Variants in PAK5 observed in about 807,000 individuals in gnomAD.
The protein encoded by PAK5 is serine/threonine-protein kinase PAK 5.
Under a neutral mutation model 65.9 loss-of-function variants are expected in PAK5, and 16 were observed. The ratio of observed to expected loss-of-function variants is 0.24; its 90% CI spans 0.16 to 0.37. The LOEUF is 0.37. Among genes scored for constraint, PAK5 ranks in the 10% least tolerant of loss-of-function variants. The pLI, the probability that PAK5 is intolerant of heterozygous loss-of-function variation, is 1.00. For missense variants in PAK5, 785 were observed against 903.9 expected, an observed-to-expected ratio of 0.87 and a Z score of 1.69; for synonymous variants, 371 against 354.9, an observed-to-expected ratio of 1.05 and a Z score of -0.51.
At chr20:9,573,728 C>T (rs948747269) in intron 4 of PAK5, among the ~76,000 whole-genome samples, 10 of 152,188 alleles carry the variant, frequency 6.6e-5, no homozygotes, top group Admixed American at 6.5e-5. Context: ...GCAGGGGGGC[C>T]GTGGCTGGAG....
At chr20:9,692,768 C>T (rs577065727) in intron 2 of PAK5, among the ~76,000 whole-genome samples, 92 of 152,164 alleles carry the variant, frequency 6.0e-4, no homozygotes, top group African/African-American at 2.1e-3. Flanking sequence ...AGGATGTTAT[C>T]CTAGAATGAG....
intron 1 of PAK5, among the ~76,000 whole-genome samples, chr20:9,797,788 CT>C (rs200427571): frequency 0.013 from 1,932 of 152,014 alleles, 47 homozygotes; most frequent in African/African-American, 0.041. Context: ...TTTGGGTTGC[CT>C]TTTGGACAAC....
intron 1 of PAK5, among the ~76,000 whole-genome samples, chr20:9,791,131 T>C (rs1213576944): frequency 6.6e-6 from 1 of 152,136 alleles, no homozygotes; most frequent in East Asian, 1.9e-4. Flanking sequence ...AGCATATTCA[T>C]TCACCACCTT....
intron 1 of PAK5, among the ~76,000 whole-genome samples, chr20:9,713,026 T>A (rs983246317): frequency 6.6e-6 from 1 of 152,032 alleles, no homozygotes; most frequent in African/African-American, 2.4e-5. Flanking sequence ...TGGGATTACA[T>A]CAAGCTAAAA....
chr20:9,710,300 T>G (rs2048062425), intron 2 of PAK5, among the ~76,000 whole-genome samples: 1 of 152,304 alleles, frequency 6.6e-6, no homozygotes, highest in East Asian at 1.9e-4. Flanking sequence ...TATGAGATTT[T>G]GGGCAGAATT....
At chr20:9,609,626 A>T (rs1368972921) in intron 3 of PAK5, among the ~76,000 whole-genome samples, 1 of 152,210 alleles carries the variant, frequency 6.6e-6, no homozygotes, top group African/African-American at 2.4e-5. Context: ...AAGCCATCAG[A>T]GGCAGGAACA....
intron 1 of PAK5, among the ~76,000 whole-genome samples, chr20:9,831,058 G>T (rs536901070): frequency 6.6e-6 from 1 of 152,340 alleles, no homozygotes; most frequent in Admixed American, 6.5e-5. Flanking sequence ...CCAGTGGGCT[G>T]GGTGTGGGGG....
intron 2 of PAK5, among the ~76,000 whole-genome samples, chr20:9,679,969 G>T (rs1417118221): frequency 6.6e-6 from 1 of 152,116 alleles, no homozygotes; most frequent in Non-Finnish European, 1.5e-5. Flanking sequence ...GTATGTTTAG[G>T]GATATTCCCT....
At chr20:9,609,248 T>A (rs1279786702) in intron 3 of PAK5, among the ~76,000 whole-genome samples, 1 of 152,058 alleles carries the variant, frequency 6.6e-6, no homozygotes, top group East Asian at 1.9e-4. Context: ...AGCTGATGAG[T>A]TGGCTTTCAG....
Position 9,632,264 on chromosome 20 carries a change from A to G in PAK5, c.204+11861T>C, listed in dbSNP as rs185669367. Among the ~76,000 whole-genome samples the G allele has an allele frequency of 2.6e-5, 4 of 152,272 alleles. No homozygotes were observed. In the East Asian group the frequency reaches 5.8e-4, roughly 22 times the overall value. On this transcript the variant is annotated intron_variant, in intron 3 of 9. Transcript: ENST00000353224. ...TCAGGAGTTCAGAGAGGGCCACTCTATGGGAAACCAACACAGTTCTGGAGA... is the reference window on the plus strand; with the variant it reads ...TCAGGAGTTCAGAGAGGGCCACTCTGTGGGAAACCAACACAGTTCTGGAGA...
At chr20:9,575,218 AG>A (rs1175608959) in intron 4 of PAK5, among the ~76,000 whole-genome samples, 1 of 149,548 alleles carries the variant, frequency 6.7e-6, no homozygotes, top group Non-Finnish European at 1.5e-5. Flanking sequence ...TTTTTTAGAC[AG>A]GGTCTCACTC....
At chr20:9,755,539 CACA>C (rs2048624122) in intron 1 of PAK5, among the ~76,000 whole-genome samples, 1 of 152,134 alleles carries the variant, frequency 6.6e-6, no homozygotes, top group South Asian at 2.1e-4. Context: ...ATGAAGATGA[CACA>C]AACCATGATT....
chr20:9,828,829 C>T (rs1390906880), intron 1 of PAK5, among the ~76,000 whole-genome samples: 1 of 152,166 alleles, frequency 6.6e-6, no homozygotes, highest in Non-Finnish European at 1.5e-5. Context: ...GGGAGTTTCT[C>T]TCTCTCTCTC....
At chr20:9,733,207 G>A (rs543987385) in intron 1 of PAK5, among the ~76,000 whole-genome samples, 3 of 152,146 alleles carry the variant, frequency 2.0e-5, no homozygotes, top group South Asian at 4.1e-4. Context: ...ACAAATGCAT[G>A]CATAATTACA....
At chr20:9,700,836 C>G (rs1197572149) in intron 2 of PAK5, among the ~76,000 whole-genome samples, 1 of 152,112 alleles carries the variant, frequency 6.6e-6, no homozygotes, top group Non-Finnish European at 1.5e-5. Flanking sequence ...ACATAGGGCG[C>G]CCCAAACATG....
intron 1 of PAK5, among the ~76,000 whole-genome samples, chr20:9,837,486 A>G (rs547211672): frequency 1.3e-5 from 2 of 152,250 alleles, no homozygotes; most frequent in Admixed American, 6.5e-5. Flanking sequence ...TCCCTAACTA[A>G]CCTGGTTATC....
chr20:9,719,111 G>A (rs1263971112), intron 1 of PAK5, among the ~76,000 whole-genome samples: 1 of 152,144 alleles, frequency 6.6e-6, no homozygotes, highest in African/African-American at 2.4e-5. Flanking sequence ...TGTGTCCAGA[G>A]GAGAAAGCAA....
At chr20:9,547,790 G>A (rs1239051908) in intron 7 of PAK5, among the ~76,000 whole-genome samples, 1 of 152,132 alleles carries the variant, frequency 6.6e-6, no homozygotes, top group Non-Finnish European at 1.5e-5. Flanking sequence ...CTGGGAGCTT[G>A]TTAGATTTTC....
chr20:9,675,770 A>G (rs995693262), intron 2 of PAK5, among the ~76,000 whole-genome samples: 3 of 152,238 alleles, frequency 2.0e-5, no homozygotes, highest in Non-Finnish European at 4.4e-5. Context: ...CAAACTATAT[A>G]GTCAGCCAAA....
Sources: allele counts gnomAD v4.1 joint callset (sites outside exome capture counted in the v4.1 genomes callset), GRCh38; gene constraint gnomAD v4.1.1; transcripts MANE v1.5; gene names NCBI Gene and HGNC (gene_info 2026-07-23, HGNC 2026-07-21).